GSE1: variants seen among roughly 807,000 people sequenced by gnomAD.
The protein encoded by GSE1 is genetic suppressor element 1.
A neutral mutation model predicts 112.6 loss-of-function variants in GSE1; 32 were observed. The ratio of observed to expected loss-of-function variants is 0.28; its 90% confidence interval spans 0.21 to 0.38. GSE1 has a LOEUF of 0.38. GSE1 is among the 10% of genes least tolerant of loss of function. The pLI, the probability that GSE1 is intolerant of heterozygous loss-of-function variation, is 1.00. For synonymous variants in GSE1, 1,115 were observed against 735.6 expected (o/e 1.52, Z -8.35); for missense variants, 2,348 against 1,699.2 (o/e 1.38, Z -6.71).
chr16:85,605,547 G>A (rs1354578017), intron 1 of GSE1, among the ~76,000 whole-genome samples: 1 of 152,048 alleles, frequency 6.6e-6, no homozygotes, highest in Non-Finnish European at 1.5e-5. Flanking sequence ...CACCAAAGTG[G>A]GGGCAGGGGG....
chr16:85,599,461 T>G (rs1389500137), intron 1 of GSE1, among the ~76,000 whole-genome samples: 2 of 151,304 alleles, frequency 1.3e-5, no homozygotes, highest in Admixed American at 6.6e-5. Context: ...GTGAGGGAGG[T>G]GGGGGTGGTG....
At chr16:85,624,761 C>T (rs988376609) in intron 1 of GSE1, among the ~76,000 whole-genome samples, 4 of 152,194 alleles carry the variant, frequency 2.6e-5, no homozygotes, top group African/African-American at 9.7e-5. Flanking sequence ...GCCTGGGCAC[C>T]GCCAGGACCA....
intron 1 of GSE1, among the ~76,000 whole-genome samples, chr16:85,618,077 G>A (rs568910105): frequency 6.6e-5 from 10 of 152,268 alleles, no homozygotes; most frequent in Non-Finnish European, 1.3e-4. Context: ...ACTGGCATGG[G>A]TGGATTCGTG....
chr16:85,433,084 G>A (rs2049159648), intron 2 of GSE1, among the ~76,000 whole-genome samples: 1 of 151,918 alleles, frequency 6.6e-6, no homozygotes, highest in Non-Finnish European at 1.5e-5. Flanking sequence ...TTGGAATGGG[G>A]CTCAGGGGTT....
At chr16:85,555,813 T>C, upstream of GSE1, 1 of 957,962 alleles carries the variant, frequency 1.0e-6, no homozygotes, top group Non-Finnish European at 1.2e-6. Context: ...TGTTTTTTTT[T>C]TCTTTCCCCC....
At chr16:85,476,900 A>G (rs1597876718) in intron 2 of GSE1, among the ~76,000 whole-genome samples, 1 of 146,432 alleles carries the variant, frequency 6.8e-6, no homozygotes, top group South Asian at 2.1e-4. Flanking sequence ...GGTGTGAGCT[A>G]CCATGCCTGG....
At chr16:85,530,888 G>C (rs768560955) in intron 2 of GSE1, among the ~76,000 whole-genome samples, 4 of 152,268 alleles carry the variant, frequency 2.6e-5, no homozygotes, top group Non-Finnish European at 4.4e-5. Context: ...CTCCGTGCCA[G>C]AGCTGAGGCG....
chr16:85,562,930 CTT>C lies in GSE1; in HGVS notation c.37+6569_37+6570del, dbSNP rs373593087. ...CAACCAGGCTGCGTCCTGTCATACT[CTT>C]TGTGGGAAAATCATTAGACTGTTGT... On this transcript the variant is annotated intron_variant, in intron 1 of 2. Transcript: ENST00000635906. Among the ~76,000 whole-genome samples the C allele has an allele frequency of 6.8e-3, 1,035 of 152,342 alleles. 7 individuals are homozygous for C. The highest frequency in any genetic ancestry group is 0.023 in the African/African-American group (966 of 41,558).
At chr16:85,442,753 A>G (rs1204647975) in intron 2 of GSE1, among the ~76,000 whole-genome samples, 1 of 152,206 alleles carries the variant, frequency 6.6e-6, no homozygotes, top group Non-Finnish European at 1.5e-5. Flanking sequence ...TAGCTCCCGT[A>G]TTAGTGGCTG....
chr16:85,361,545 C>T (rs1375837469), intron 2 of GSE1, among the ~76,000 whole-genome samples: 1 of 152,236 alleles, frequency 6.6e-6, no homozygotes, highest in East Asian at 1.9e-4. Flanking sequence ...CATGGTGGCC[C>T]CACCCTGGCA....
chr16:85,541,342 C>T (rs143602292), intron 2 of GSE1, among the ~76,000 whole-genome samples: 51 of 152,334 alleles, frequency 3.3e-4, no homozygotes, highest in African/African-American at 1.2e-3. Context: ...TCCCGAGGGA[C>T]TTTCTCCACT....
At chr16:85,554,338 GC>G (rs2045088512), upstream of GSE1, among the ~76,000 whole-genome samples, 1 of 152,046 alleles carries the variant, frequency 6.6e-6, no homozygotes, top group South Asian at 2.1e-4. Flanking sequence ...AGAGATACAG[GC>G]TCCACACTCA....
chr16:85,649,205 G>A (rs999662094), intron 3 of GSE1, among the ~76,000 whole-genome samples: 4 of 152,018 alleles, frequency 2.6e-5, no homozygotes, highest in South Asian at 2.1e-4. Flanking sequence ...ATTCTCATTC[G>A]GTCACCTCTT....
intron 1 of GSE1, among the ~76,000 whole-genome samples, chr16:85,294,916 G>T (rs58049399): frequency 0.15 from 21,987 of 151,172 alleles, 1,787 homozygotes; most frequent in African/African-American, 0.2. Flanking sequence ...TTTAGTTTTT[G>T]TTTTTTTACA....
intron 2 of GSE1, among the ~76,000 whole-genome samples, chr16:85,484,411 C>A (rs2050772063): frequency 6.6e-6 from 1 of 152,208 alleles, no homozygotes; most frequent in Non-Finnish European, 1.5e-5. Flanking sequence ...ATAAATTATC[C>A]CTCCAAAACC....
intron 1 of GSE1, among the ~76,000 whole-genome samples, chr16:85,615,972 C>T (rs1253924716): frequency 6.6e-6 from 1 of 152,222 alleles, no homozygotes; most frequent in African/African-American, 2.4e-5. Context: ...TCCGATGGCC[C>T]CGATGAGCCC....
chr16:85,652,939 A>G (rs573674113), intron 3 of GSE1, among the ~76,000 whole-genome samples: 2 of 151,866 alleles, frequency 1.3e-5, no homozygotes, highest in Non-Finnish European at 2.9e-5. Flanking sequence ...GTTACCTGAC[A>G]TGGCCAGATG....
chr16:85,468,992 C>T (rs1387208748), intron 2 of GSE1, among the ~76,000 whole-genome samples: 1 of 152,154 alleles, frequency 6.6e-6, no homozygotes, highest in Admixed American at 6.5e-5. Context: ...TGGTGGCTTA[C>T]ACCTGTAATC....
chr16:85,355,456 C>A (rs772269626), intron 1 of GSE1, among the ~76,000 whole-genome samples: 37 of 152,170 alleles, frequency 2.4e-4, no homozygotes, highest in Non-Finnish European at 5.0e-4. Context: ...TGCCTGTGAC[C>A]CTGGGCTCCT....
Sources: allele counts gnomAD v4.1 joint callset (sites outside exome capture counted in the v4.1 genomes callset), GRCh38; gene constraint gnomAD v4.1.1; transcripts MANE v1.5; gene names NCBI Gene and HGNC (gene_info 2026-07-23, HGNC 2026-07-21).